The following SLC38A10 variants were observed in gnomAD, a reference collection of about 807,000 sequenced individuals.
SLC38A10 encodes the protein Sodium-coupled neutral amino acid transporter 10.
A neutral mutation model predicts 81.0 loss-of-function variants in SLC38A10; 53 were observed. The ratio of observed to expected loss-of-function variants is 0.65; its 90% CI spans 0.53 to 0.82. The LOEUF (loss-of-function observed/expected upper bound fraction) is 0.82, where lower values mean the gene tolerates loss of function less well. Among genes scored for constraint, SLC38A10 ranks in the 40% least tolerant of loss-of-function variants. The pLI is 0.00. For synonymous variants in SLC38A10, 665 were observed against 655.3 expected, an observed-to-expected ratio of 1.01 and a Z score of -0.23; for missense variants, 1,471 against 1,545.0, an observed-to-expected ratio of 0.95 and a Z score of 0.80.
chr17:81,275,576 AC>A (rs1357216267), intron 8 of SLC38A10, among the ~76,000 whole-genome samples: 3 of 150,852 alleles, frequency 2.0e-5, no homozygotes, highest in African/African-American at 7.4e-5. Flanking sequence ...TACTAAAAAT[AC>A]AAAAATTAGC....
At chr17:81,272,968 G>A (rs1332894943) in intron 8 of SLC38A10, among the ~76,000 whole-genome samples, 1 of 152,198 alleles carries the variant, frequency 6.6e-6, no homozygotes, top group Non-Finnish European at 1.5e-5. Flanking sequence ...CAGGAAGTAT[G>A]GAGAGCAAAA....
At position 81,245,429 on chromosome 17, in the gene SLC38A10, G is replaced by A. The variant is rs1446112367; in HGVS notation, c.*127C>T. On this transcript the variant is annotated 3_prime_UTR_variant, in exon 16 of 16. Transcript: ENST00000374759. ...ATACTGTCACTCACACTTGGTGAGG[G>A]CCTCAGACATGAAACCCTGGGGAGA... 11 of 1,149,828 alleles carry A rather than the reference G, an allele frequency of 9.6e-6. No homozygotes were observed. Among genetic ancestry groups the A allele is most frequent in the East Asian group, 2.4e-5 (1 of 41,032 alleles). 71.2% of individuals were successfully genotyped at this position (1,149,828 alleles called of 1,614,324 possible). A position where few individuals can be genotyped will look rare whatever the true frequency, so the allele number is the denominator to read the frequency against.
chr17:81,277,353 C>T lies in SLC38A10; in HGVS notation c.627-220G>A, dbSNP rs142181353. Among the ~76,000 whole-genome samples, 740 of 152,352 alleles carry T rather than the reference C, an allele frequency of 4.9e-3. 5 individuals carry two copies. The highest frequency in any genetic ancestry group is 0.017 in the African/African-American group (705 of 41,576). ...CACTCAGGACACCCCCCAGAGCGTG[C>T]ACCATGCGAACATTCCCCAAGGCTA... On this transcript the variant is annotated intron_variant, in intron 6 of 15. Transcript: ENST00000374759. This position sits in a 1 kb window ranked among gnomAD's most constrained non-coding sequence, Gnocchi z 4.5.
chr17:81,295,115 C>A lies in SLC38A10; in HGVS notation c.-194G>T. On this transcript the variant is annotated 5_prime_UTR_variant, in exon 1 of 16. Coordinates refer to ENST00000374759, the MANE Select transcript of SLC38A10 (RefSeq NM_001037984.3). ...CCCAGAGGCTGCCTGGAGGAGGCAG[C>A]CTCGAAGGCCGGCTGCGGGGGCGAG... 9.8e-7 allele frequency: 1 copy of A among 1,023,332 alleles called. No homozygotes were observed. The highest frequency in any genetic ancestry group is 1.2e-6 in the Non-Finnish European group (1 of 805,524). The allele number at this position is 1,023,332 out of a possible 1,614,324, so 63.4% of individuals were successfully genotyped here. A position where few individuals can be genotyped will look rare whatever the true frequency, so the allele number is the denominator to read the frequency against.
At position 81,276,369 on chromosome 17, in the gene SLC38A10, C is replaced by T. The variant is rs1013295574; in HGVS notation, c.730-218G>A. 6.6e-6 allele frequency among the ~76,000 whole-genome samples: 1 copy of T among 151,952 alleles called. No homozygotes were observed. On this transcript the variant is annotated intron_variant, in intron 7 of 15. Coordinates refer to ENST00000374759, the MANE Select transcript of SLC38A10 (RefSeq NM_001037984.3). This position sits in a 1 kb window ranked among gnomAD's most constrained non-coding sequence, Gnocchi z 4.7. ...TCTCTAGTTTCTGTAAGAACATGCC[C>T]ATTTCTTTCTTTTTCTTTCTTTTTT...
chr17:81,248,512 T>C (rs1434734647), intron 14 of SLC38A10, among the ~76,000 whole-genome samples: 2 of 152,258 alleles, frequency 1.3e-5, no homozygotes, highest in African/African-American at 2.4e-5. Flanking sequence ...TGGCCAGTTA[T>C]TTGCCGCAAG....
chr17:81,269,418 C>T (rs2063095674), intron 10 of SLC38A10, among the ~76,000 whole-genome samples: 1 of 152,250 alleles, frequency 6.6e-6, no homozygotes, highest in East Asian at 1.9e-4. Context: ...GAGGCTGAGG[C>T]AGGAGAATTG....
rs751570934 is a variant in SLC38A10 at position 81,276,157 on chromosome 17, G to A, written c.730-6C>T. ...ACGTAGCCGAAAAACCCCACCTGTT[G>A]GAGAATAAGAAATGGCAACGTGGCA... On this transcript the variant is annotated splice_region_variant and splice_polypyrimidine_tract_variant and intron_variant, in intron 7 of 15. Coordinates refer to ENST00000374759, the MANE Select transcript of SLC38A10 (RefSeq NM_001037984.3). This position sits in a 1 kb window ranked among gnomAD's most constrained non-coding sequence, Gnocchi z 4.7. 1.9e-6 allele frequency: 3 copies of A among 1,606,120 alleles called. No homozygotes were observed. The South Asian group carries it at 3.3e-5, about 18-fold the overall frequency.
At chr17:81,247,997 A>C (rs1164578275) in intron 14 of SLC38A10, among the ~76,000 whole-genome samples, 3 of 112,584 alleles carry the variant, frequency 2.7e-5, no homozygotes, top group South Asian at 3.0e-4. Context: ...TCACTCTGTC[A>C]CCCAGGCTGG....
Position 81,277,161 on chromosome 17 carries a change from G to A in SLC38A10, c.627-28C>T, listed in dbSNP as rs368616700. The A allele has an allele frequency of 3.5e-5, 57 of 1,606,536 alleles. No homozygotes were observed. The highest frequency in any genetic ancestry group is 1.1e-4 in the African/African-American group (8 of 74,752). ...GTATAGAAACAGGCCATTTCACAGC[G>A]GACCTGAGAGAGGCACGCCCTCCCC... On this transcript the variant is annotated intron_variant, in intron 6 of 15. Transcript: ENST00000374759. The surrounding 1 kb of genome is among the most constrained non-coding windows in gnomAD (Gnocchi z 4.5).
At position 81,283,495 on chromosome 17, in the gene SLC38A10, C is replaced by T. The variant is rs1033982067; in HGVS notation, c.271G>A (p.Gly91Arg). The T allele has an allele frequency of 5.0e-6, 8 of 1,609,668 alleles. No individual in the cohort carries two copies. Among genetic ancestry groups the T allele is most frequent in the Admixed American group, 1.7e-5 (1 of 59,618 alleles). Residue 91 changes from glycine to arginine, a missense_variant, in exon 4 of 16, where the codon GGG (glycine) becomes AGG (arginine). This residue lies in a region of SLC38A10 where 720 missense variants were observed against 827.7 expected (regional missense o/e 0.87). Coordinates refer to ENST00000374759, the MANE Select transcript of SLC38A10 (RefSeq NM_001037984.3). The surrounding 1 kb of genome is among the most constrained non-coding windows in gnomAD (Gnocchi z 4.7). ...GCGATGCAGGTGCCCAGCATCAGCCCGATCATGCTGCACAGGGACGGGGGG... is the reference window on the plus strand; with the variant it reads ...GCGATGCAGGTGCCCAGCATCAGCCTGATCATGCTGCACAGGGACGGGGGG... ...GKMLVETSMI[G>R]LMLGTCIAFY...
intron 15 of SLC38A10, 68 bp from the exon 16 acceptor site, chr17:81,246,741 A>G (rs944671034): frequency 6.7e-7 from 1 of 1,499,902 alleles, no homozygotes. Flanking sequence ...AGGGGCTCAG[A>G]AGAACCAGCA....
chr17:81,246,395 C>A lies in SLC38A10; in HGVS notation c.2521G>T (p.Ala841Ser). The A allele has an allele frequency of 6.3e-7, 1 of 1,599,214 alleles. No individual in the cohort carries two copies. Among genetic ancestry groups the A allele is most frequent in the Non-Finnish European group, 8.5e-7 (1 of 1,174,908 alleles). ...TTCACAGTGCCAGCTGCCCTGGGGG[C>A]GGCATCCTTCTGGCCATCTCTCAGC... is the stretch of plus-strand genomic sequence containing the variant. ...AKLRDGQKDAAPRAAGTVKEL... is the reference protein window; with the variant it reads ...AKLRDGQKDASPRAAGTVKEL... The change falls in exon 16 of 16, where the codon GCC becomes TCC. Residue 841 changes from alanine (A) to serine (S), a missense_variant. This residue lies in a region of SLC38A10 where 751 missense variants were observed against 717.4 expected (regional missense o/e 1.05). Coordinates refer to ENST00000374759, the MANE Select transcript of SLC38A10 (RefSeq NM_001037984.3).
intron 11 of SLC38A10, among the ~76,000 whole-genome samples, chr17:81,255,068 G>A (rs1480991084): frequency 1.3e-5 from 2 of 152,294 alleles, no homozygotes; most frequent in Non-Finnish European, 2.9e-5. Context: ...TGTGGGTGCA[G>A]GAGCCGCGGG....
At chr17:81,254,181 G>C (rs922126316) in intron 11 of SLC38A10, among the ~76,000 whole-genome samples, 2 of 151,994 alleles carry the variant, frequency 1.3e-5, no homozygotes, top group Non-Finnish European at 2.9e-5. Context: ...AGCTGTCTGA[G>C]GAAGAATTCA....
In SLC38A10 at chr17:81,250,546, G is replaced by T. The variant is rs977202099; in HGVS notation, c.2065+947C>A. Among the ~76,000 whole-genome samples the T allele has an allele frequency of 2.0e-5, 3 of 152,326 alleles. No homozygotes were observed. The South Asian group carries it at 6.2e-4, about 32-fold the overall frequency. On this transcript the variant is annotated intron_variant, in intron 14 of 15. Transcript: ENST00000374759. ...TGCTCCCAGGGGCTTGGCACAGGAG[G>T]CTGGAGCGGCTGTGCCCTGCGACCC...
intron 8 of SLC38A10, among the ~76,000 whole-genome samples, chr17:81,273,620 T>A (rs1047716082): frequency 1.3e-5 from 2 of 152,060 alleles, no homozygotes; most frequent in East Asian, 3.9e-4. Flanking sequence ...AGCCAGAAGT[T>A]CCTATCGGCC....
At chr17:81,284,337 G>C (rs1007307139) in intron 3 of SLC38A10, among the ~76,000 whole-genome samples, 1 of 152,108 alleles carries the variant, frequency 6.6e-6, no homozygotes, top group Admixed American at 6.5e-5. Context: ...GGGTGACAGA[G>C]CAAAACTCCA....
rs1022599886 is a variant in SLC38A10 at position 81,295,094 on chromosome 17, G to A, written c.-173C>T. The A allele has an allele frequency of 8.2e-6, 10 of 1,214,360 alleles. No individual in the cohort carries two copies. The highest frequency in any genetic ancestry group is 1.0e-5 in the Non-Finnish European group (10 of 963,628). The allele number at this position is 1,214,360 out of a possible 1,614,324, so 75.2% of individuals were successfully genotyped here. A position where few individuals can be genotyped will look rare whatever the true frequency, so the allele number is the denominator to read the frequency against. The stretch of plus-strand genomic sequence containing the variant: ...TGAGCAGGCGCGGGCGCGGGCCCCA[G>A]AGGCTGCCTGGAGGAGGCAGCCTCG... On this transcript the variant is annotated 5_prime_UTR_variant, in exon 1 of 16. Transcript: ENST00000374759.
Sources: allele counts gnomAD v4.1 joint callset (sites outside exome capture counted in the v4.1 genomes callset), GRCh38; gene constraint gnomAD v4.1.1; regional missense constraint gnomAD v4.1.1; non-coding constraint Gnocchi (gnomAD v3.1); transcripts MANE v1.5; gene names NCBI Gene and HGNC (gene_info 2026-07-23, HGNC 2026-07-21).